MANEA: variants seen among roughly 807,000 people sequenced by gnomAD.
MANEA encodes the protein mannosidase endo-alpha.
A neutral mutation model predicts 36.8 loss-of-function variants in MANEA; 25 were observed. The ratio of observed to expected loss-of-function variants is 0.68; its 90% CI spans 0.50 to 0.95. The LOEUF (loss-of-function observed/expected upper bound fraction) is 0.95, where lower values mean the gene tolerates loss of function less well. Ranked by LOEUF, MANEA falls within the 40% of genes least tolerant of loss-of-function variation. MANEA has a pLI of 0.00. For missense variants in MANEA, 565 were observed against 558.8 expected (o/e 1.01, Z -0.11); for synonymous variants, 198 against 188.5 (o/e 1.05, Z -0.41).
At chr6:95,578,853 A>G (rs1769125252) in intron 1 of MANEA, among the ~76,000 whole-genome samples, 2 of 152,222 alleles carry the variant, frequency 1.3e-5, no homozygotes, top group Non-Finnish European at 2.9e-5. Flanking sequence ...AGCAGCTTTC[A>G]TCTTGTGTCA....
At chr6:95,593,954 C>G (rs750543777) in intron 2 of MANEA, among the ~76,000 whole-genome samples, 3 of 151,654 alleles carry the variant, frequency 2.0e-5, no homozygotes, top group Non-Finnish European at 4.4e-5. Context: ...TATCTGTAAT[C>G]GATAGAATGA....
At chr6:95,582,973 G>A (rs1442084871) in intron 1 of MANEA, among the ~76,000 whole-genome samples, 1 of 152,118 alleles carries the variant, frequency 6.6e-6, no homozygotes, top group Non-Finnish European at 1.5e-5. Flanking sequence ...AAGACTAATG[G>A]CCATACTTAT....
rs755535602 is a variant in MANEA, at chr6:95,604,857, C to T, written c.685C>T (p.Arg229Ter). 12 of 1,484,146 alleles carry T rather than the reference C, an allele frequency of 8.1e-6. No individual in the cohort carries two copies. The highest frequency in any genetic ancestry group is 2.5e-5 in the East Asian group (1 of 40,630). The allele number at this position is 1,484,146 out of a possible 1,614,324, so 91.9% of individuals were successfully genotyped here. ...TTTTCACATAGAACCATATAGCAAT[C>T]GAGATGATCAAAACATGTACAAAAA... is the stretch of plus-strand genomic sequence containing the variant. ...VTFHIEPYSN[R>*]DDQNMYKNVK... Residue 229 changes from arginine to a stop codon, truncating the protein, a stop_gained, in exon 4 of 5, where the codon CGA (arginine) becomes TGA (stop). Transcript: ENST00000358812. LOFTEE classifies it high-confidence loss of function.
chr6:95,581,126 A>G (rs1178308976), intron 1 of MANEA, among the ~76,000 whole-genome samples: 1 of 152,192 alleles, frequency 6.6e-6, no homozygotes, highest in Non-Finnish European at 1.5e-5. Context: ...TTTGTAGGTC[A>G]GATAACTAAA....
intron 2 of MANEA, among the ~76,000 whole-genome samples, chr6:95,594,682 T>C (rs533764095): frequency 6.2e-4 from 94 of 152,326 alleles, no homozygotes; most frequent in Non-Finnish European, 1.1e-3. Context: ...AGGAAGAAGA[T>C]GCCTTCCTCC....
chr6:95,601,716 A>ATTTTTTTTTTTTTTTTTT lies in MANEA; in HGVS notation c.655-3100_655-3083dup, dbSNP rs67335804. ...AAAAGAAAATTAGGCAGATTCAGTG[A>ATTTTTTTTTTTTTTTTTT]TTTTTTTTTTTTTTTTTTTTTTTTT... is the stretch of plus-strand genomic sequence containing the variant. On this transcript the variant is annotated intron_variant, in intron 3 of 4. Transcript: ENST00000358812. Among the ~76,000 whole-genome samples, 103 of 64,994 alleles carry ATTTTTTTTTTTTTTTTTT rather than the reference A, an allele frequency of 1.6e-3. 3 individuals carry two copies. The highest frequency in any genetic ancestry group is 2.3e-3 in the African/African-American group (36 of 15,772). 42.6% of individuals were successfully genotyped at this position (64,994 alleles called of 152,430 possible). A position where few individuals can be genotyped will look rare whatever the true frequency, so the allele number is the denominator to read the frequency against.
chr6:95,586,631 T>G lies in MANEA; in HGVS notation c.192T>G (p.Ser64Arg). Residue 64 changes from serine (S) to arginine (R), a missense_variant, in exon 2 of 5, where the codon AGT becomes AGG. Ser to Arg is a moderately radical substitution (Grantham distance 110, BLOSUM62 -1). Coordinates refer to ENST00000358812, the MANE Select transcript of MANEA (RefSeq NM_024641.4). ...GGAAAAATTTTGATTTCCAAAAGAG[T>G]GACAGAATCAACAGTGAAACAAATA... The part of the protein sequence containing the change: ...HLGKNFDFQK[S>R]DRINSETNTK... 1 of 1,613,844 alleles carries G rather than the reference T, an allele frequency of 6.2e-7. No homozygotes were observed. Among genetic ancestry groups the G allele is most frequent in the Non-Finnish European group, 8.5e-7 (1 of 1,179,936 alleles).
chr6:95,605,241 A>C (rs1313415349), intron 4 of MANEA, among the ~76,000 whole-genome samples: 1 of 152,162 alleles, frequency 6.6e-6, no homozygotes, highest in Non-Finnish European at 1.5e-5. Context: ...TCAGATTATT[A>C]AAAGTGAACT....
At chr6:95,587,897 A>C (rs1219247033) in intron 2 of MANEA, among the ~76,000 whole-genome samples, 1 of 151,308 alleles carries the variant, frequency 6.6e-6, no homozygotes, top group African/African-American at 2.4e-5. Context: ...CTTACATTAC[A>C]TATGCGTATT....
chr6:95,597,997 AGTCT>A (rs1338794325), intron 3 of MANEA, among the ~76,000 whole-genome samples: 3 of 152,108 alleles, frequency 2.0e-5, no homozygotes, highest in South Asian at 2.1e-4. Flanking sequence ...ATTTTATATC[AGTCT>A]ATTTAAAATT....
At chr6:95,596,578 G>A (rs983852549) in intron 2 of MANEA, among the ~76,000 whole-genome samples, 159 bp from the exon 3 acceptor site, 3 of 152,086 alleles carry the variant, frequency 2.0e-5, no homozygotes, top group African/African-American at 4.8e-5. Flanking sequence ...TATTGACAAA[G>A]TGATCAAATA....
At position 95,605,767 on chromosome 6, in the gene MANEA, T is replaced by C. The variant is rs745681534; in HGVS notation, c.751T>C (p.Phe251Leu). The change falls in exon 5 of 5, where the codon TTT becomes CTT. Residue 251 changes from phenylalanine to leucine, a missense_variant. Physicochemically the swap from Phe to Leu is conservative, Grantham distance 22. Coordinates refer to ENST00000358812, the MANE Select transcript of MANEA (RefSeq NM_024641.4). ...IIDKYGNHPA[F>L]YRYKTKTGNA... is the part of the protein sequence containing the mutation. ...TTCTAGATATGGAAATCATCCGGCC[T>C]TTTACAGGTACAAGACGAAGACTGG... 6.2e-7 allele frequency: 1 copy of C among 1,610,064 alleles called. No homozygotes were observed. The highest frequency in any genetic ancestry group is 1.1e-5 in the South Asian group (1 of 90,702).
In MANEA at chr6:95,586,997, A is replaced by ATC; in HGVS notation, c.544+15_544+16insCT. The ATC allele has an allele frequency of 7.0e-7, 1 of 1,422,638 alleles. No homozygotes were observed. The highest frequency in any genetic ancestry group is 9.7e-7 in the Non-Finnish European group (1 of 1,026,950). The allele number at this position is 1,422,638 out of a possible 1,614,324, so 88.1% of individuals were successfully genotyped here. A position where few individuals can be genotyped will look rare whatever the true frequency, so the allele number is the denominator to read the frequency against. On this transcript the variant is annotated intron_variant, in intron 2 of 4. Coordinates refer to ENST00000358812, the MANE Select transcript of MANEA (RefSeq NM_024641.4). ...CAGCTTCAATTGGTAATTATTGTAT[A>ATC]TATATATATGTGTGTTTGTGTCTGT...
chr6:95,583,098 A>C (rs1769212305), intron 1 of MANEA, among the ~76,000 whole-genome samples: 1 of 152,116 alleles, frequency 6.6e-6, no homozygotes, highest in Non-Finnish European at 1.5e-5. Context: ...CTTCTGGAGG[A>C]ACATTTTGTC....
intron 1 of MANEA, among the ~76,000 whole-genome samples, chr6:95,579,467 G>T (rs1238673345): frequency 6.6e-6 from 1 of 152,122 alleles, no homozygotes; most frequent in Non-Finnish European, 1.5e-5. Flanking sequence ...ACTGACCTGG[G>T]CAAGGATTGA....
chr6:95,586,352 A>T (rs1769280451), intron 1 of MANEA, 50 bp from the exon 2 acceptor site: 1 of 1,083,254 alleles, frequency 9.2e-7, no homozygotes, highest in Admixed American at 2.3e-5. Flanking sequence ...AATATATTGG[A>T]AAATACTGTT....
rs1217808211 is a variant in MANEA, at chr6:95,608,677, C to T, written c.*2272C>T. 1 of 151,746 alleles carries T rather than the reference C, an allele frequency of 6.6e-6. No individual in the cohort carries two copies. Among genetic ancestry groups the T allele is most frequent in the African/African-American group, 2.4e-5 (1 of 41,398 alleles). 9.4% of individuals were successfully genotyped at this position (151,746 alleles called of 1,614,324 possible). A position where few individuals can be genotyped will look rare whatever the true frequency, so the allele number is the denominator to read the frequency against. ...CCCTTTTTAATAAAATAATTACAGTCATCCCTCAGTGTCTGTGGGGGATTG... is the reference window on the plus strand; with the variant it reads ...CCCTTTTTAATAAAATAATTACAGTTATCCCTCAGTGTCTGTGGGGGATTG... On this transcript the variant is annotated 3_prime_UTR_variant, in exon 5 of 5. Transcript: ENST00000358812.
rs146869942 is a variant in MANEA, at chr6:95,581,683, T to C, written c.-39+4045T>C. Among the ~76,000 whole-genome samples the C allele has an allele frequency of 5.6e-3, 854 of 152,310 alleles. 12 individuals are homozygous for C. Among genetic ancestry groups the C allele is most frequent in the Admixed American group, 0.033 (505 of 15,300 alleles). On this transcript the variant is annotated intron_variant, in intron 1 of 4. Coordinates refer to ENST00000358812, the MANE Select transcript of MANEA (RefSeq NM_024641.4). ...GATCACACAACTAAGTGTGACTGAT[T>C]TGAATTTACATCTTAAGATTTATTA...
chr6:95,592,624 T>A (rs1195504306), intron 2 of MANEA, among the ~76,000 whole-genome samples: 2 of 152,188 alleles, frequency 1.3e-5, no homozygotes, highest in African/African-American at 4.8e-5. Flanking sequence ...TATGAACACA[T>A]AACAAGTTTT....
Sources: gnomAD v4.1 joint callset for allele counts (sites outside exome capture counted in the v4.1 genomes callset) on GRCh38, gnomAD v4.1.1 for gene constraint, MANE v1.5 for transcripts, NCBI Gene and HGNC (gene_info 2026-07-23, HGNC 2026-07-21) for gene names.